The following ASXL1 variants were observed in gnomAD, a reference collection of about 807,000 sequenced individuals.
ASXL1 encodes the protein ASXL transcriptional regulator 1, also known as polycomb group protein ASXL1.
In ASXL1, 65 loss-of-function variants were observed where a neutral mutation model predicts 89.1. The observed-to-expected ratio is 0.73, with a 90% CI of 0.60 to 0.90. The LOEUF (loss-of-function observed/expected upper bound fraction) is 0.90, where lower values mean the gene tolerates loss of function less well. ASXL1 is among the 40% of genes least tolerant of loss of function. The probability of loss-of-function intolerance (pLI) is 0.00; values close to 1 mark genes in which losing one functional copy is unlikely to be tolerated. For missense variants in ASXL1, 1,786 were observed against 1,942.9 expected (o/e 0.92, Z 1.52); for synonymous variants, 739 against 746.9 (o/e 0.99, Z 0.17).
At chr20:32,366,589 G>A in intron 2 of ASXL1, 123 bp downstream of exon 2, 6 of 1,560,552 alleles carry the variant, frequency 3.8e-6, no homozygotes, top group South Asian at 1.2e-5. Flanking sequence ...GTAGTGAGAT[G>A]GAACTATCCA....
intron 4 of ASXL1, among the ~76,000 whole-genome samples, chr20:32,392,416 G>A (rs1372483073): frequency 2.0e-5 from 3 of 151,506 alleles, no homozygotes; most frequent in Non-Finnish European, 4.4e-5. Flanking sequence ...CCGAGTAGCT[G>A]AGATTACAGG....
At chr20:32,406,332 G>C (rs2048954554) in intron 4 of ASXL1, among the ~76,000 whole-genome samples, 1 of 151,616 alleles carries the variant, frequency 6.6e-6, no homozygotes, top group South Asian at 2.1e-4. Flanking sequence ...TGGATTGCTT[G>C]AACACAGGCG....
In ASXL1 at chr20:32,436,535, T is replaced by C; in HGVS notation, c.3823T>C (p.Ser1275Pro). 6.2e-7 allele frequency: 1 copy of C among 1,614,232 alleles called. No individual in the cohort carries two copies. Among genetic ancestry groups the C allele is most frequent in the Non-Finnish European group, 8.5e-7 (1 of 1,180,048 alleles). The change falls in exon 13 of 13, where the codon TCA becomes CCA. Residue 1275 changes from serine (S) to proline (P), a missense_variant. Ser to Pro is a moderately conservative substitution (Grantham distance 74, BLOSUM62 -1). Around this residue, in one of 3 missense-constraint regions of ASXL1, gnomAD observed 1,418 missense variants for 1,427.8 expected, o/e 0.99. Transcript: ENST00000375687. ...DLTTSRTPRF[S>P]SPNVISFGPE... The stretch of plus-strand genomic sequence containing the variant: ...TACTACCTCGAGAACACCTCGTTTC[T>C]CATCTCCAAATGTGATCTCCTTTGG...
At chr20:32,434,095 A>G in intron 12 of ASXL1, 178 bp downstream of exon 12, 4 of 941,172 alleles carry the variant, frequency 4.3e-6, no homozygotes, top group East Asian at 2.6e-5. Flanking sequence ...TTTCTTCCTC[A>G]CTTTTTTGTT....
At chr20:32,382,436 A>G (rs575185022) in intron 4 of ASXL1, among the ~76,000 whole-genome samples, 17 of 152,062 alleles carry the variant, frequency 1.1e-4, no homozygotes, top group African/African-American at 3.9e-4. Context: ...TGGTTTTTAG[A>G]TATATTATTC....
intron 4 of ASXL1, among the ~76,000 whole-genome samples, chr20:32,401,175 A>C (rs1483722978): frequency 6.6e-6 from 1 of 152,210 alleles, no homozygotes; most frequent in African/African-American, 2.4e-5. Flanking sequence ...TCATATTTTC[A>C]CATGAACTAT....
At chr20:32,377,729 T>C (rs1236415657) in intron 4 of ASXL1, among the ~76,000 whole-genome samples, 1 of 151,486 alleles carries the variant, frequency 6.6e-6, no homozygotes, top group African/African-American at 2.4e-5. Flanking sequence ...CTTGGCTCAC[T>C]GCAACCTCCG....
chr20:32,360,767 C>T (rs2048095903), intron 1 of ASXL1: 1 of 168,082 alleles, frequency 5.9e-6, no homozygotes, highest in Admixed American at 6.4e-5. Flanking sequence ...GTTGCTATTT[C>T]TGTTTTATCA....
rs2145368472 is a variant in ASXL1, at chr20:32,435,236, A to T, written c.2524A>T (p.Asn842Tyr). 1 of 1,613,990 alleles carries T rather than the reference A, an allele frequency of 6.2e-7. No homozygotes were observed. The highest frequency in any genetic ancestry group is 8.5e-7 in the Non-Finnish European group (1 of 1,179,998). The change falls in exon 13 of 13, where the codon AAT becomes TAT. Residue 842 changes from asparagine to tyrosine, a missense_variant. Asn to Tyr is a moderately radical substitution (Grantham distance 143). Transcript: ENST00000375687. ...DSHPTMKDPV[N>Y]VTPSSTPESS... ...TCATCCCACTATGAAGGATCCTGTAAATGTGACCCCCAGTTCCACACCTGA... is the reference window on the plus strand; with the variant it reads ...TCATCCCACTATGAAGGATCCTGTATATGTGACCCCCAGTTCCACACCTGA...
chr20:32,420,809 G>A (rs1041876023), intron 4 of ASXL1, among the ~76,000 whole-genome samples: 10 of 152,002 alleles, frequency 6.6e-5, no homozygotes. Context: ...AAAAAAAAAT[G>A]GGTGAAAGAC....
intron 8 of ASXL1, chr20:32,430,921 T>C (rs1344684301): frequency 4.5e-6 from 2 of 439,596 alleles, no homozygotes; most frequent in Non-Finnish European, 8.5e-6. Flanking sequence ...CACAGAAGGC[T>C]TCTGCAGATT....
chr20:32,408,924 G>A (rs1313463688), intron 4 of ASXL1, among the ~76,000 whole-genome samples: 1 of 151,656 alleles, frequency 6.6e-6, no homozygotes, highest in Non-Finnish European at 1.5e-5. Context: ...ATGAGGTCTT[G>A]CATGCCTTAA....
chr20:32,358,730 A>G lies in ASXL1; in HGVS notation c.-46A>G. ...CCCGCGCCACCGCCCCAGCCCGCCC[A>G]GCCCGGAGGTCCCGCGTGGAGCTGC... is the stretch of plus-strand genomic sequence containing the variant. On this transcript the variant is annotated 5_prime_UTR_variant, in exon 1 of 13. Transcript: ENST00000375687. The G allele has an allele frequency of 3.9e-6, 2 of 506,926 alleles. No homozygotes were observed. Among genetic ancestry groups the G allele is most frequent in the Non-Finnish European group, 6.8e-6 (2 of 294,312 alleles). 31.4% of individuals were successfully genotyped at this position (506,926 alleles called of 1,614,324 possible). A position where few individuals can be genotyped will look rare whatever the true frequency, so the allele number is the denominator to read the frequency against.
chr20:32,391,714 TC>T (rs2048674778), intron 4 of ASXL1, among the ~76,000 whole-genome samples: 1 of 152,084 alleles, frequency 6.6e-6, no homozygotes, highest in East Asian at 1.9e-4. Context: ...GTCTTGAACT[TC>T]TGAGCTCAAG....
Position 32,398,603 on chromosome 20 carries a change from G to GTTTTTTTTTTTTGT in ASXL1, c.252+29491_252+29492insTGTTTTTTTTTTTT, listed in dbSNP as rs375341392. Among the ~76,000 whole-genome samples the GTTTTTTTTTTTTGT allele has an allele frequency of 4.0e-3, 501 of 126,442 alleles. 12 individuals carry two copies. Among genetic ancestry groups the GTTTTTTTTTTTTGT allele is most frequent in the African/African-American group, 8.9e-3 (281 of 31,630 alleles). 83.0% of individuals were successfully genotyped at this position (126,442 alleles called of 152,430 possible). ...GTGGCTGGTTTTGTTTTTTTTGTTT[G>GTTTTTTTTTTTTGT]TTTTTTTTTTTGTTTTTTTTTTTTG... On this transcript the variant is annotated intron_variant, in intron 4 of 12. Transcript: ENST00000375687.
intron 1 of ASXL1, chr20:32,359,746 G>A: frequency 1.4e-6 from 1 of 718,160 alleles, no homozygotes; most frequent in Non-Finnish European, 2.6e-6. Flanking sequence ...TCGTTCAACC[G>A]ATGGGGGTTG....
intron 4 of ASXL1, among the ~76,000 whole-genome samples, chr20:32,408,195 A>G (rs2123091610): frequency 6.6e-6 from 1 of 152,126 alleles, no homozygotes; most frequent in East Asian, 1.9e-4. Context: ...AGCCTCCCAA[A>G]GTTGCTGGGA....
At chr20:32,396,679 A>G (rs961427699) in intron 4 of ASXL1, among the ~76,000 whole-genome samples, 1 of 152,216 alleles carries the variant, frequency 6.6e-6, no homozygotes, top group Non-Finnish European at 1.5e-5. Context: ...CTAAAGCACA[A>G]TTCTGATATT....
rs886056592 is a variant in ASXL1, at chr20:32,358,684, C to G, written c.-92C>G. 3.8e-6 allele frequency: 2 copies of G among 528,556 alleles called. No homozygotes were observed. Among genetic ancestry groups the G allele is most frequent in the Non-Finnish European group, 5.1e-6 (2 of 395,680 alleles). 32.7% of individuals were successfully genotyped at this position (528,556 alleles called of 1,614,324 possible). Reference sequence around the variant, plus strand: ...CGCCGCCGCTGCCACGCGCCCCCCCCACCGCCGCCGCCGCCCCAGCCCCGC... The same window carrying G: ...CGCCGCCGCTGCCACGCGCCCCCCCGACCGCCGCCGCCGCCCCAGCCCCGC... On this transcript the variant is annotated 5_prime_UTR_variant, in exon 1 of 13. Transcript: ENST00000375687.
Sources: allele counts gnomAD v4.1 joint callset (sites outside exome capture counted in the v4.1 genomes callset), GRCh38; gene constraint gnomAD v4.1.1; regional missense constraint gnomAD v4.1.1; transcripts MANE v1.5; gene names NCBI Gene and HGNC (gene_info 2026-07-23, HGNC 2026-07-21).